The following PLPP1 variants were observed in gnomAD, a reference collection of about 807,000 sequenced individuals.
PLPP1 encodes lipid phosphate phosphohydrolase 1a.
Under a neutral mutation model 31.2 loss-of-function variants are expected in PLPP1, and 24 were observed. That is an observed-to-expected ratio of 0.77 (90% CI 0.56 to 1.08). PLPP1 has a LOEUF of 1.08. Ranked by LOEUF, PLPP1 falls within the 50% of genes least tolerant of loss-of-function variation. PLPP1 has a pLI of 0.00. For synonymous variants in PLPP1, 146 were observed against 126.3 expected (o/e 1.16, Z -1.05); for missense variants, 319 against 342.7 (o/e 0.93, Z 0.55).
intron 4 of PLPP1, among the ~76,000 whole-genome samples, chr5:55,427,957 CTG>C (rs1751250919): frequency 3.3e-5 from 5 of 151,956 alleles, no homozygotes; most frequent in Admixed American, 3.3e-4. Context: ...AGGTAATTGT[CTG>C]TATTTTTAGT....
chr5:55,469,631 C>T (rs1032793946), intron 2 of PLPP1, among the ~76,000 whole-genome samples: 1 of 152,036 alleles, frequency 6.6e-6, no homozygotes, highest in Non-Finnish European at 1.5e-5. Flanking sequence ...CTCTGCTTCA[C>T]CTTAAATTTA....
chr5:55,451,297 A>G (rs564402102), intron 3 of PLPP1, among the ~76,000 whole-genome samples: 1 of 152,332 alleles, frequency 6.6e-6, no homozygotes, highest in Non-Finnish European at 1.5e-5. Context: ...GATAGTAAAA[A>G]AGAAAGATAA....
chr5:55,467,758 A>G lies in PLPP1; in HGVS notation c.491+111T>C, dbSNP rs151143578. ...CATACAAGATCAAAATTCACCTCCC[A>G]GTGATAACACTAACTTCTCTTTTTA... On this transcript the variant is annotated intron_variant, in intron 3 of 5. Coordinates refer to ENST00000307259, the MANE Select transcript of PLPP1 (RefSeq NM_003711.4). The G allele has an allele frequency of 1.1e-4, 134 of 1,185,306 alleles. No individual in the cohort carries two copies. The African/African-American group carries it at 1.8e-3, about 16-fold the overall frequency. 73.4% of individuals were successfully genotyped at this position (1,185,306 alleles called of 1,614,324 possible).
intron 1 of PLPP1, among the ~76,000 whole-genome samples, chr5:55,527,383 T>C (rs1184913374): frequency 2.0e-5 from 3 of 152,220 alleles, no homozygotes; most frequent in Non-Finnish European, 4.4e-5. Context: ...TTTTACTCTA[T>C]ACCCATTGAC....
intron 1 of PLPP1, among the ~76,000 whole-genome samples, chr5:55,524,978 G>A (rs1424498650): frequency 4.8e-5 from 7 of 144,856 alleles, no homozygotes; most frequent in South Asian, 2.2e-4. Context: ...TTTTCCATTC[G>A]TTTAATTACT....
chr5:55,499,671 T>G (rs1179143374), intron 1 of PLPP1, among the ~76,000 whole-genome samples: 1 of 96,632 alleles, frequency 1.0e-5, no homozygotes, highest in African/African-American at 3.7e-5. Flanking sequence ...GTCTTTAGAG[T>G]TTCACTACTC....
intron 1 of PLPP1, among the ~76,000 whole-genome samples, chr5:55,512,515 A>AAGG (rs1753448650): frequency 1.3e-4 from 1 of 7,830 alleles, no homozygotes; most frequent in African/African-American, 3.0e-4. Flanking sequence ...AGAAAAGAAA[A>AAGG]GAAAGAAAGA....
At chr5:55,490,699 AT>A (rs1275214917) in intron 1 of PLPP1, among the ~76,000 whole-genome samples, 1 of 152,124 alleles carries the variant, frequency 6.6e-6, no homozygotes. Flanking sequence ...GTTGATCCAA[AT>A]GACTCAAAAA....
At chr5:55,466,725 GAAAA>G (rs539855996) in intron 3 of PLPP1, among the ~76,000 whole-genome samples, 1 of 146,654 alleles carries the variant, frequency 6.8e-6, no homozygotes, top group Non-Finnish European at 1.5e-5. Flanking sequence ...AAAAGGAAAA[GAAAA>G]AAAAAATTGA....
At chr5:55,498,957 A>C (rs890086362) in intron 1 of PLPP1, among the ~76,000 whole-genome samples, 19 of 55,348 alleles carry the variant, frequency 3.4e-4, no homozygotes, top group African/African-American at 7.3e-4. Flanking sequence ...GCTACTGTAG[A>C]AGCACTGAGC....
intron 1 of PLPP1, among the ~76,000 whole-genome samples, chr5:55,493,325 AAAAG>A (rs1190246520): frequency 6.6e-6 from 1 of 151,990 alleles, no homozygotes; most frequent in Non-Finnish European, 1.5e-5. Context: ...AAAAAAAAAA[AAAAG>A]AAGAAGAAAA....
chr5:55,493,621 C>T (rs571817973), intron 1 of PLPP1, among the ~76,000 whole-genome samples: 4 of 152,094 alleles, frequency 2.6e-5, no homozygotes, highest in Admixed American at 2.0e-4. Context: ...GGTGAGGTGG[C>T]TCATGTTTCT....
intron 3 of PLPP1, 25 bp from the exon 4 acceptor site, chr5:55,441,933 T>TA (rs1751630225): frequency 8.1e-6 from 13 of 1,607,436 alleles, no homozygotes; most frequent in Non-Finnish European, 1.1e-5. Flanking sequence ...AGACAAATGT[T>TA]ACTTTTCTCT....
At chr5:55,519,074 T>C (rs144100573) in intron 1 of PLPP1, among the ~76,000 whole-genome samples, 1 of 152,238 alleles carries the variant, frequency 6.6e-6, no homozygotes, top group African/African-American at 2.4e-5. Context: ...ATAAAAAAAC[T>C]TCAGAGGGTA....
At chr5:55,530,588 G>A in intron 1 of PLPP1, 5 of 1,335,248 alleles carry the variant, frequency 3.7e-6, no homozygotes. Flanking sequence ...TACAAGATTT[G>A]CAATGAAGTC....
chr5:55,524,059 T>TA (rs1753729644), intron 1 of PLPP1, among the ~76,000 whole-genome samples: 1 of 152,162 alleles, frequency 6.6e-6, no homozygotes, highest in African/African-American at 2.4e-5. Context: ...AATAAATAAA[T>TA]AAAAAATGAT....
chr5:55,468,174 A>G, intron 2 of PLPP1, 25 bp from the exon 3 acceptor site: 1 of 1,531,958 alleles, frequency 6.5e-7, no homozygotes, highest in South Asian at 1.3e-5. Flanking sequence ...GAAAAATAAC[A>G]TGTTAAAGTA....
chr5:55,461,168 C>T (rs556261634), intron 3 of PLPP1, among the ~76,000 whole-genome samples: 54 of 152,218 alleles, frequency 3.5e-4, no homozygotes, highest in African/African-American at 1.2e-3. Context: ...GTACTCCAGC[C>T]TAGGTAACAA....
intron 4 of PLPP1, among the ~76,000 whole-genome samples, chr5:55,431,967 T>G (rs529565386): frequency 1.2e-4 from 18 of 152,192 alleles, no homozygotes; most frequent in Non-Finnish European, 2.5e-4. Flanking sequence ...TGTCACCCAG[T>G]CTGGGGCACA....
Sources: gnomAD v4.1 joint callset for allele counts (sites outside exome capture counted in the v4.1 genomes callset) on GRCh38, gnomAD v4.1.1 for gene constraint, MANE v1.5 for transcripts, NCBI Gene and HGNC (gene_info 2026-07-23, HGNC 2026-07-21) for gene names.